TRIM5: variants seen among roughly 807,000 people sequenced by gnomAD.
TRIM5 encodes tripartite motif-containing protein 5.
A neutral mutation model predicts 35.6 loss-of-function variants in TRIM5; 31 were observed. The ratio of observed to expected loss-of-function variants is 0.87; its 90% CI spans 0.65 to 1.18. The LOEUF is 1.18. TRIM5 is among the 50% of genes most tolerant of loss of function. The pLI is 0.00. For synonymous variants in TRIM5, 243 were observed against 215.6 expected (o/e 1.13, Z -1.11); for missense variants, 609 against 591.6 (o/e 1.03, Z -0.31).
chr11:5,657,803 A>T, the TRIM5 span, among the ~76,000 whole-genome samples: 1 of 148,942 alleles, frequency 6.7e-6, no homozygotes, highest in East Asian at 1.9e-4. Context: ...TTTAGTAGAG[A>T]CAGAGTTTCA....
chr11:5,627,580 A>C, the TRIM5 span, among the ~76,000 whole-genome samples: 1 of 152,328 alleles, frequency 6.6e-6, no homozygotes, highest in Non-Finnish European at 1.5e-5. Context: ...TTCTATGTTA[A>C]AAAATAGCTT....
the TRIM5 span, among the ~76,000 whole-genome samples, chr11:5,621,851 C>T: frequency 1.3e-5 from 2 of 152,106 alleles, no homozygotes; most frequent in Non-Finnish European, 2.9e-5. Context: ...CTTGAGTTGT[C>T]CTGCCTTTTC....
Position 5,678,273 on chromosome 11 carries a change from G to A in TRIM5, c.675C>T (p.Thr225=). 2 of 1,614,016 alleles carry A rather than the reference G, an allele frequency of 1.2e-6. No individual in the cohort carries two copies. The highest frequency in any genetic ancestry group is 1.7e-6 in the Non-Finnish European group (2 of 1,179,932). The change falls in exon 4 of 8, where the codon ACC becomes ACT. Residue 225 remains threonine (T), a synonymous_variant. Transcript: ENST00000380034. Reference sequence around the variant, plus strand: ...CTGAGATGAGCTCTCTCAGGGACTGGGTCTGCTGCACCATCTCAGTTTCAG... The same window carrying A: ...CTGAGATGAGCTCTCTCAGGGACTGAGTCTGCTGCACCATCTCAGTTTCAG... ...TNSETEMVQQ[T]QSLRELISDL...
the TRIM5 span, among the ~76,000 whole-genome samples, chr11:5,638,298 G>T: frequency 1.3e-5 from 2 of 152,182 alleles, no homozygotes; most frequent in Non-Finnish European, 2.9e-5. Context: ...GGGAAGAAAT[G>T]AGAATTAATA....
At chr11:5,670,325 C>A (rs535075507) in intron 4 of TRIM5, among the ~76,000 whole-genome samples, 3 of 147,474 alleles carry the variant, frequency 2.0e-5, no homozygotes, top group Admixed American at 6.9e-5. Context: ...CTACAGGCTC[C>A]CACCACCACA....
the TRIM5 span, among the ~76,000 whole-genome samples, chr11:5,618,353 G>C: frequency 2.0e-5 from 3 of 152,102 alleles, no homozygotes; most frequent in South Asian, 2.1e-4. Flanking sequence ...CTGGGCAACA[G>C]AGTGAGACTC....
chr11:5,627,662 T>G, the TRIM5 span, among the ~76,000 whole-genome samples: 1 of 152,114 alleles, frequency 6.6e-6, no homozygotes, highest in Non-Finnish European at 1.5e-5. Context: ...GATTGGGCCC[T>G]GGACTCTAAG....
chr11:5,623,502 G>T, the TRIM5 span, among the ~76,000 whole-genome samples: 14 of 150,756 alleles, frequency 9.3e-5, no homozygotes, highest in Non-Finnish European at 1.9e-4. Context: ...TGAGTAGCTG[G>T]GATTACAGGC....
the TRIM5 span, chr11:5,603,696 C>T: frequency 1.9e-5 from 30 of 1,613,374 alleles, no homozygotes; most frequent in Non-Finnish European, 2.5e-5. Context: ...ACCGTGGTCA[C>T]CACACGTTCC....
At chr11:5,665,933 A>C in intron 6 of TRIM5, 48 bp downstream of exon 6, 2 of 1,562,948 alleles carry the variant, frequency 1.3e-6, no homozygotes, top group Non-Finnish European at 1.7e-6. Context: ...TTAGCACCCT[A>C]ACACCACTTG....
chr11:5,655,075 C>A, the TRIM5 span, among the ~76,000 whole-genome samples: 1 of 151,816 alleles, frequency 6.6e-6, no homozygotes, highest in Non-Finnish European at 1.5e-5. Flanking sequence ...CACCTGTAAT[C>A]CAGCTACTTC....
chr11:5,662,077 T>A (rs1228972865), downstream of TRIM5, among the ~76,000 whole-genome samples: 2 of 152,082 alleles, frequency 1.3e-5, no homozygotes, highest in Non-Finnish European at 2.9e-5. Context: ...AAAGGGAAAA[T>A]TTATAGCATC....
the TRIM5 span, among the ~76,000 whole-genome samples, chr11:5,627,371 A>T: frequency 6.6e-6 from 1 of 152,012 alleles, no homozygotes; most frequent in South Asian, 2.1e-4. Flanking sequence ...CAAGAGCAAA[A>T]CTCCGTCTCA....
At position 5,683,185 on chromosome 11, in the gene TRIM5, C is replaced by A. The variant is rs535919859; in HGVS notation, c.-62+1683G>T. ...GCAGCCCACCATGCCTGAGCCTCCC[C>A]ACGACCCCTTGGGCTCCTGTGCTGC... On this transcript the variant is annotated intron_variant, in intron 1 of 7. Coordinates refer to ENST00000380034, the MANE Select transcript of TRIM5 (RefSeq NM_033034.3). Among the ~76,000 whole-genome samples, 469 of 152,360 alleles carry A rather than the reference C, an allele frequency of 3.1e-3. 1 individual carries two copies. The highest frequency in any genetic ancestry group is 5.1e-3 in the Non-Finnish European group (348 of 68,034).
At chr11:5,667,196 T>A (rs982468164) in intron 5 of TRIM5, among the ~76,000 whole-genome samples, 19 of 152,104 alleles carry the variant, frequency 1.2e-4, no homozygotes, top group African/African-American at 2.9e-4. Context: ...TTCTTTTTTT[T>A]AATTTTATTT....
At chr11:5,616,201 T>G in the TRIM5 span, among the ~76,000 whole-genome samples, 1 of 105,864 alleles carries the variant, frequency 9.4e-6, no homozygotes, top group Admixed American at 9.1e-5. Flanking sequence ...TCCACCCGCC[T>G]CGGCCTCCCA....
At chr11:5,643,460 T>G in the TRIM5 span, 1 of 1,614,242 alleles carries the variant, frequency 6.2e-7, no homozygotes. Context: ...AGAATAAATG[T>G]AAGTATGGTG....
At chr11:5,611,577 C>A in the TRIM5 span, 1 of 443,720 alleles carries the variant, frequency 2.3e-6, no homozygotes, top group Non-Finnish European at 4.0e-6. Context: ...CCTCAGCATC[C>A]CAAGTAGCTG....
the TRIM5 span, among the ~76,000 whole-genome samples, chr11:5,639,138 A>G: frequency 1.8e-3 from 278 of 152,264 alleles, 2 homozygotes; most frequent in African/African-American, 6.5e-3. Context: ...GAGAAAACCC[A>G]GGCAGGGTCT....
Sources: gnomAD v4.1 joint callset for allele counts (sites outside exome capture counted in the v4.1 genomes callset) on GRCh38, gnomAD v4.1.1 for gene constraint, MANE v1.5 for transcripts, NCBI Gene and HGNC (gene_info 2026-07-23, HGNC 2026-07-21) for gene names.